The following PDIA5 variants were observed in gnomAD, a reference collection of about 807,000 sequenced individuals.
PDIA5 encodes the protein protein disulfide-isomerase A5.
A neutral mutation model predicts 77.6 loss-of-function variants in PDIA5; 58 were observed. That is an observed-to-expected ratio of 0.75 (90% CI 0.61 to 0.93). The LOEUF is 0.93. PDIA5 is among the 40% of genes least tolerant of loss of function. The pLI, the probability that PDIA5 is intolerant of heterozygous loss-of-function variation, is 0.00. For missense variants in PDIA5, 630 were observed against 647.7 expected (o/e 0.97, Z 0.30); for synonymous variants, 250 against 252.1 (o/e 0.99, Z 0.08).
At chr3:123,151,777 T>TG (rs1935903544) in intron 14 of PDIA5, among the ~76,000 whole-genome samples, 21 of 133,188 alleles carry the variant, frequency 1.6e-4, no homozygotes, top group African/African-American at 6.0e-4. Context: ...CCTGCCTGCC[T>TG]GCCTGGCCTG....
At chr3:123,097,166 A>G (rs748713714) in intron 3 of PDIA5, among the ~76,000 whole-genome samples, 15 of 152,324 alleles carry the variant, frequency 9.8e-5, no homozygotes, top group Non-Finnish European at 1.6e-4. Context: ...AACTATTTGA[A>G]TTTAGCATTT....
intron 2 of PDIA5, among the ~76,000 whole-genome samples, chr3:123,089,711 G>A (rs892260651): frequency 5.3e-5 from 8 of 152,268 alleles, no homozygotes; most frequent in Non-Finnish European, 1.0e-4. Flanking sequence ...GTTGCCAGCT[G>A]AATGGGTCCC....
chr3:123,109,933 G>A (rs1344748698), intron 6 of PDIA5, among the ~76,000 whole-genome samples: 1 of 152,224 alleles, frequency 6.6e-6, no homozygotes, highest in African/African-American at 2.4e-5. Context: ...CATTGTGCGG[G>A]ATGTGCCATC....
intron 6 of PDIA5, among the ~76,000 whole-genome samples, chr3:123,107,990 G>A (rs1000238439): frequency 1.3e-5 from 2 of 151,710 alleles, no homozygotes; most frequent in Admixed American, 6.6e-5. Context: ...GTAGTGATGG[G>A]CTATCACTGT....
intron 1 of PDIA5, among the ~76,000 whole-genome samples, chr3:123,086,624 C>T (rs1396910905): frequency 3.3e-5 from 5 of 152,196 alleles, no homozygotes; most frequent in African/African-American, 7.2e-5. Context: ...CCATGAGCTC[C>T]GTCGTTGCTC....
rs367679154 is a variant in PDIA5, at chr3:123,155,086, C to T, written c.1344+45C>T. The T allele has an allele frequency of 3.2e-5, 40 of 1,263,810 alleles. 1 individual carries two copies. Among genetic ancestry groups the T allele is most frequent in the Middle Eastern group, 1.9e-4 (1 of 5,384 alleles). 78.3% of individuals were successfully genotyped at this position (1,263,810 alleles called of 1,614,324 possible). The stretch of plus-strand genomic sequence containing the variant: ...TCTCTTGATCTGCCTGCAGCTAATT[C>T]CTACACCTTCCTTCTTGTCATTCAG... On this transcript the variant is annotated intron_variant, in intron 15 of 16. Coordinates refer to ENST00000316218, the MANE Select transcript of PDIA5 (RefSeq NM_006810.4).
chr3:123,135,923 G>A (rs564391002), intron 11 of PDIA5, among the ~76,000 whole-genome samples: 4 of 148,368 alleles, frequency 2.7e-5, no homozygotes, highest in Non-Finnish European at 5.9e-5. Context: ...GGGCCTTCAT[G>A]CTGTCATTTT....
intron 3 of PDIA5, among the ~76,000 whole-genome samples, chr3:123,093,581 A>G (rs1322366407): frequency 6.6e-6 from 1 of 152,174 alleles, no homozygotes; most frequent in Non-Finnish European, 1.5e-5. Flanking sequence ...GCTTTGACTT[A>G]GTTGTTGTCT....
intron 2 of PDIA5, among the ~76,000 whole-genome samples, chr3:123,091,698 C>A (rs574081718): frequency 3.9e-5 from 6 of 152,344 alleles, no homozygotes; most frequent in Admixed American, 3.9e-4. Context: ...CTGCAATTGA[C>A]CCCTGGAGGT....
At chr3:123,152,064 CCTGCCTTT>C in intron 14 of PDIA5, among the ~76,000 whole-genome samples, 7 of 135,994 alleles carry the variant, frequency 5.1e-5, no homozygotes, top group African/African-American at 5.9e-5. Flanking sequence ...TTCCTTCCTG[CCTGCCTTT>C]CTTCCTGCCT....
chr3:123,145,324 G>T (rs2107981523), intron 11 of PDIA5, 198 bp from the exon 12 acceptor site: 19 of 553,526 alleles, frequency 3.4e-5, no homozygotes, highest in East Asian at 1.2e-4. Flanking sequence ...TTTTATTTTT[G>T]TGTCTGGGGT....
At chr3:123,113,507 C>T (rs1301941716) in intron 7 of PDIA5, among the ~76,000 whole-genome samples, 3 of 152,132 alleles carry the variant, frequency 2.0e-5, no homozygotes, top group South Asian at 4.1e-4. Flanking sequence ...GGAGAAAACT[C>T]GGAGGTTAAG....
At chr3:123,069,036 C>G (rs1387310667) in intron 1 of PDIA5, among the ~76,000 whole-genome samples, 3 of 152,160 alleles carry the variant, frequency 2.0e-5, no homozygotes, top group Non-Finnish European at 2.9e-5. Flanking sequence ...AGCACTAGAA[C>G]CTGGGAGTCC....
At chr3:123,083,266 T>C (rs1022361516) in intron 1 of PDIA5, among the ~76,000 whole-genome samples, 1 of 151,826 alleles carries the variant, frequency 6.6e-6, no homozygotes, top group Admixed American at 6.6e-5. Flanking sequence ...GTTAGAGGCA[T>C]TGGTGCTCTG....
At chr3:123,155,630 T>G (rs1936005570) in intron 15 of PDIA5, among the ~76,000 whole-genome samples, 2 of 152,200 alleles carry the variant, frequency 1.3e-5, no homozygotes, top group Admixed American at 6.5e-5. Flanking sequence ...TACCCCTGAA[T>G]TCGGGGAAGT....
intron 12 of PDIA5, 73 bp from the exon 13 acceptor site, chr3:123,146,026 C>T (rs933400677): frequency 7.7e-6 from 11 of 1,430,522 alleles, no homozygotes; most frequent in Admixed American, 7.2e-5. Context: ...GTGGGGGCAG[C>T]GTCTGGGCTC....
intron 11 of PDIA5, among the ~76,000 whole-genome samples, chr3:123,142,335 A>T (rs1351662860): frequency 6.6e-6 from 1 of 152,238 alleles, no homozygotes; most frequent in Non-Finnish European, 1.5e-5. Flanking sequence ...TCTGCATGTA[A>T]TCGGTGTGTA....
intron 3 of PDIA5, among the ~76,000 whole-genome samples, chr3:123,093,529 G>A (rs1013042352): frequency 6.6e-6 from 1 of 152,214 alleles, no homozygotes; most frequent in Admixed American, 6.5e-5. Context: ...TTATTGTAGG[G>A]AGTGCTTATG....
intron 7 of PDIA5, among the ~76,000 whole-genome samples, chr3:123,115,071 T>C (rs1934964456): frequency 6.6e-6 from 1 of 152,118 alleles, no homozygotes; most frequent in African/African-American, 2.4e-5. Context: ...CAGCTAAGCA[T>C]GGATTGGAGC....
Sources: gnomAD v4.1 joint callset for allele counts (sites outside exome capture counted in the v4.1 genomes callset) on GRCh38, gnomAD v4.1.1 for gene constraint, MANE v1.5 for transcripts, NCBI Gene and HGNC (gene_info 2026-07-23, HGNC 2026-07-21) for gene names.